The following PGF variants were observed in gnomAD, a reference collection of about 807,000 sequenced individuals.
PGF encodes placental growth factor, also known as placenta growth factor.
In PGF, 11 loss-of-function variants were observed where a neutral mutation model predicts 25.3. That is an observed-to-expected ratio of 0.43 (90% CI 0.27 to 0.72). The LOEUF is 0.72. Ranked by LOEUF, PGF falls within the 30% of genes least tolerant of loss-of-function variation. The probability of loss-of-function intolerance (pLI) is 0.18; values close to 1 mark genes in which losing one functional copy is unlikely to be tolerated. For synonymous variants in PGF, 105 were observed against 97.9 expected (o/e 1.07, Z -0.43); for missense variants, 230 against 234.9 (o/e 0.98, Z 0.14).
intron 1 of PGF, 87 bp from the exon 2 acceptor site, chr14:74,954,033 C>A: frequency 7.4e-7 from 1 of 1,353,084 alleles, no homozygotes. Context: ...AAGGTAGGGG[C>A]CCCTCTGGGT....
intron 5 of PGF, 41 bp downstream of exon 5, chr14:74,946,338 C>T (rs752779606): frequency 6.2e-7 from 1 of 1,613,920 alleles, no homozygotes; most frequent in South Asian, 1.1e-5. Flanking sequence ...CAGAGGCTGG[C>T]AGGCCCGAGA....
chr14:74,942,701 G>T lies in PGF; in HGVS notation c.*5C>A, dbSNP rs756167266. 28 of 1,612,302 alleles carry T rather than the reference G, an allele frequency of 1.7e-5. No homozygotes were observed. The highest frequency in any genetic ancestry group is 2.4e-5 in the Non-Finnish European group (28 of 1,179,296). ...GTGCGGGGTCTCTCTCCTCCAAGGG[G>T]TGGGTTACCTCCGGGGAACAGCATC... is the stretch of plus-strand genomic sequence containing the variant. On this transcript the variant is annotated 3_prime_UTR_variant, in exon 7 of 7. Transcript: ENST00000555567.
intron 4 of PGF, chr14:74,946,710 C>A: frequency 1.4e-6 from 1 of 694,764 alleles, no homozygotes; most frequent in South Asian, 1.5e-5. Context: ...TCTGTCTGTT[C>A]TCTGTTGCTT....
At position 74,942,491 on chromosome 14, in the gene PGF, T is replaced by C. The variant is rs1274755596; in HGVS notation, c.*215A>G. The stretch of plus-strand genomic sequence containing the variant: ...TTCAAAGCGGAAGCTCCCAGGGGTC[T>C]GTGGCTGGCTTCTCTCTTTCTCTCA... On this transcript the variant is annotated 3_prime_UTR_variant, in exon 7 of 7. Transcript: ENST00000555567. The C allele has an allele frequency of 1.2e-5, 7 of 582,848 alleles. No homozygotes were observed. The highest frequency in any genetic ancestry group is 3.2e-5 in the Admixed American group (1 of 31,208). 36.1% of individuals were successfully genotyped at this position (582,848 alleles called of 1,614,324 possible).
Position 74,955,303 on chromosome 14 carries a change from G to C in PGF, c.-61C>G. 1 of 1,124,434 alleles carries C rather than the reference G, an allele frequency of 8.9e-7. No homozygotes were observed. Among genetic ancestry groups the C allele is most frequent in the East Asian group, 3.2e-5 (1 of 31,578 alleles). The allele number at this position is 1,124,434 out of a possible 1,614,324, so 69.7% of individuals were successfully genotyped here. A position where few individuals can be genotyped will look rare whatever the true frequency, so the allele number is the denominator to read the frequency against. On this transcript the variant is annotated 5_prime_UTR_variant, in exon 1 of 7. Coordinates refer to ENST00000555567, the MANE Select transcript of PGF (RefSeq NM_002632.6). This position sits in a 1 kb window ranked among gnomAD's most constrained non-coding sequence, Gnocchi z 4.1. ...AAAACCACCATGCTCATCCCCCGGG[G>C]AGCCCCTGGCACAGGAGGAGAAGAG...
In PGF at chr14:74,953,123, G is replaced by A. The variant is rs1262557521; in HGVS notation, c.118+781C>T. Among the ~76,000 whole-genome samples, 2 of 152,230 alleles carry A rather than the reference G, an allele frequency of 1.3e-5. No homozygotes were observed. The highest frequency in any genetic ancestry group is 2.9e-5 in the Non-Finnish European group (2 of 68,028). On this transcript the variant is annotated intron_variant, in intron 2 of 6. Coordinates refer to ENST00000555567, the MANE Select transcript of PGF (RefSeq NM_002632.6). The surrounding 1 kb of genome is among the most constrained non-coding windows in gnomAD (Gnocchi z 5.4). ...TCAGAGTATGGCCAGGCCCGGGAGAGGCGGGCTGCCAGGCAGGCAGCCCAG... is the reference window on the plus strand; with the variant it reads ...TCAGAGTATGGCCAGGCCCGGGAGAAGCGGGCTGCCAGGCAGGCAGCCCAG...
chr14:74,946,576 C>T (rs993090663), intron 4 of PGF, 168 bp from the exon 5 acceptor site: 3 of 657,488 alleles, frequency 4.6e-6, no homozygotes, highest in South Asian at 1.9e-5. Context: ...TGGCCAGAGC[C>T]TCAAGGCTTC....
Position 74,955,306 on chromosome 14 carries a change from C to G in PGF, c.-64G>C. On this transcript the variant is annotated 5_prime_UTR_variant, in exon 1 of 7. Coordinates refer to ENST00000555567, the MANE Select transcript of PGF (RefSeq NM_002632.6). This position sits in a 1 kb window ranked among gnomAD's most constrained non-coding sequence, Gnocchi z 4.1. ...ACCACCATGCTCATCCCCCGGGGAG[C>G]CCCTGGCACAGGAGGAGAAGAGCTG... 1 of 1,075,162 alleles carries G rather than the reference C, an allele frequency of 9.3e-7. No homozygotes were observed. The highest frequency in any genetic ancestry group is 2.2e-5 in the South Asian group (1 of 46,068). 66.6% of individuals were successfully genotyped at this position (1,075,162 alleles called of 1,614,324 possible). A position where few individuals can be genotyped will look rare whatever the true frequency, so the allele number is the denominator to read the frequency against.
At chr14:74,947,147 T>C (rs996019580) in intron 4 of PGF, 2 of 455,728 alleles carry the variant, frequency 4.4e-6, no homozygotes, top group Non-Finnish European at 7.8e-6. Flanking sequence ...CTTGGGACTG[T>C]CTGGTTGTAC....
chr14:74,951,898 G>T (rs543812228), intron 2 of PGF, among the ~76,000 whole-genome samples: 1 of 152,140 alleles, frequency 6.6e-6, no homozygotes, highest in Non-Finnish European at 1.5e-5. Flanking sequence ...GTGAGGGGCC[G>T]GGCTGAGGGA....
Position 74,948,227 on chromosome 14 carries a change from C to T in PGF, c.392+280G>A, listed in dbSNP as rs61759381. On this transcript the variant is annotated intron_variant, in intron 4 of 6. Coordinates refer to ENST00000555567, the MANE Select transcript of PGF (RefSeq NM_002632.6). Reference sequence around the variant, plus strand: ...GGGAACGACACGCACCGAACCCCTGCGAGGCTGGGAGGGACCCACCCTCTC... The same window carrying T: ...GGGAACGACACGCACCGAACCCCTGTGAGGCTGGGAGGGACCCACCCTCTC... 2.7e-3 allele frequency: 916 copies of T among 339,014 alleles called. 4 individuals carry two copies. Among genetic ancestry groups the T allele is most frequent in the African/African-American group, 0.016 (737 of 47,298 alleles). The allele number at this position is 339,014 out of a possible 1,614,324, so 21.0% of individuals were successfully genotyped here. A position where few individuals can be genotyped will look rare whatever the true frequency, so the allele number is the denominator to read the frequency against.
At chr14:74,945,932 G>A in intron 6 of PGF, 1 of 498,702 alleles carries the variant, frequency 2.0e-6, no homozygotes, top group South Asian at 2.6e-5. Context: ...CTGAATGTTT[G>A]CTGGACCTCC....
chr14:74,954,975 C>A (rs1001486788), intron 1 of PGF, among the ~76,000 whole-genome samples, 193 bp downstream of exon 1: 7 of 151,320 alleles, frequency 4.6e-5, no homozygotes, highest in Non-Finnish European at 1.0e-4. Context: ...ACCAAGACAG[C>A]CCCCAGGACC....
chr14:74,954,340 T>C, intron 1 of PGF: 2 of 237,064 alleles, frequency 8.4e-6, no homozygotes, highest in African/African-American at 2.2e-5. Flanking sequence ...TGGTGGGAGC[T>C]GAGGGGCTGG....
At chr14:74,949,632 G>A in intron 2 of PGF, 79 bp from the exon 3 acceptor site, 1 of 1,172,600 alleles carries the variant, frequency 8.5e-7, no homozygotes, top group Non-Finnish European at 1.2e-6. Flanking sequence ...CCAAGGCCCT[G>A]CTGGCCTTCC....
chr14:74,949,619 C>T (rs1888828730), intron 2 of PGF, 66 bp from the exon 3 acceptor site: 2 of 1,297,044 alleles, frequency 1.5e-6, no homozygotes, highest in Non-Finnish European at 2.1e-6. Flanking sequence ...CTAAACCTGG[C>T]TCCCAAGGCC....
At chr14:74,944,365 G>T (rs545356897) in intron 6 of PGF, among the ~76,000 whole-genome samples, 49 of 152,186 alleles carry the variant, frequency 3.2e-4, no homozygotes, top group African/African-American at 1.1e-3. Flanking sequence ...GCCTCCAAAA[G>T]TGCTGGGATT....
In PGF at chr14:74,950,745, C is replaced by A. The variant is rs1038392532; in HGVS notation, c.119-1192G>T. Among the ~76,000 whole-genome samples the A allele has an allele frequency of 6.6e-6, 1 of 152,200 alleles. No homozygotes were observed. Among genetic ancestry groups the A allele is most frequent in the African/African-American group, 2.4e-5 (1 of 41,454 alleles). On this transcript the variant is annotated intron_variant, in intron 2 of 6. Transcript: ENST00000555567. This position sits in a 1 kb window ranked among gnomAD's most constrained non-coding sequence, Gnocchi z 4.1. ...GAATAAATGGTTGCTAAGGTCTTTC[C>A]CTCTCTGACCAACCGCCTGTGAATC...
rs756705737 is a variant in PGF, at chr14:74,948,515, G to T, written c.384C>A (p.Cys128Ter). The T allele has an allele frequency of 1.3e-6, 2 of 1,590,270 alleles. No individual in the cohort carries two copies. Among genetic ancestry groups the T allele is most frequent in the Non-Finnish European group, 8.6e-7 (1 of 1,161,544 alleles). Residue 128 changes from cysteine (C) to a stop codon, truncating the protein, a stop_gained, in exon 4 of 7, where the codon TGC becomes TGA. Transcript: ENST00000555567. LOFTEE classifies it high-confidence loss of function. The part of the protein sequence containing the change: ...VELTFSQHVR[C>*]ECRPLREKMK... ...CGACCCCGGAGACCTACCGGCATTC[G>T]CAGCGAACGTGCTGAGAGAACGTCA... is the stretch of plus-strand genomic sequence containing the variant.
Sources: gnomAD v4.1 joint callset for allele counts (sites outside exome capture counted in the v4.1 genomes callset) on GRCh38, gnomAD v4.1.1 for gene constraint, Gnocchi (gnomAD v3.1) non-coding constraint, MANE v1.5 for transcripts, NCBI Gene and HGNC (gene_info 2026-07-23, HGNC 2026-07-21) for gene names.